CADPS: variants seen among roughly 807,000 people sequenced by gnomAD.
CADPS encodes the protein calcium-dependent secretion activator 1.
A neutral mutation model predicts 167.3 loss-of-function variants in CADPS; 57 were observed. That is an observed-to-expected ratio of 0.34 (90% CI 0.28 to 0.42). CADPS has a LOEUF of 0.42. CADPS is among the 20% of genes least tolerant of loss of function. CADPS has a pLI of 1.00. For missense variants in CADPS, 1,414 were observed against 1,738.1 expected (o/e 0.81, Z 3.32); for synonymous variants, 676 against 635.3 (o/e 1.06, Z -0.96).
intron 3 of CADPS, among the ~76,000 whole-genome samples, chr3:62,712,299 C>T (rs1056657166): frequency 6.6e-6 from 1 of 152,136 alleles, no homozygotes; most frequent in Non-Finnish European, 1.5e-5. Flanking sequence ...GAAAGACTGC[C>T]TGTTTCTATT....
intron 6 of CADPS, among the ~76,000 whole-genome samples, chr3:62,639,635 C>T (rs2067019608): frequency 6.6e-6 from 1 of 152,168 alleles, no homozygotes; most frequent in Non-Finnish European, 1.5e-5. Context: ...TCCAAGTTTA[C>T]TCCAGTCCTT....
chr3:62,519,141 A>T (rs73842445), intron 13 of CADPS, among the ~76,000 whole-genome samples: 4 of 152,214 alleles, frequency 2.6e-5, no homozygotes, highest in Admixed American at 6.5e-5. Flanking sequence ...AATCTGACCC[A>T]TTCAAAGCCT....
At chr3:62,403,298 G>A in intron 28 of CADPS, 113 bp from the exon 29 acceptor site, 1 of 693,184 alleles carries the variant, frequency 1.4e-6, no homozygotes, top group Non-Finnish European at 2.5e-6. Flanking sequence ...AAACAAAATG[G>A]TTAAAGAGAA....
At chr3:62,721,866 C>A (rs1191990247) in intron 3 of CADPS, among the ~76,000 whole-genome samples, 2 of 152,078 alleles carry the variant, frequency 1.3e-5, no homozygotes, top group Non-Finnish European at 2.9e-5. Flanking sequence ...AAGTAATCGC[C>A]CAAGTCATGC....
At chr3:62,647,645 C>T (rs759014188) in intron 5 of CADPS, among the ~76,000 whole-genome samples, 10 of 151,986 alleles carry the variant, frequency 6.6e-5, no homozygotes, top group African/African-American at 9.7e-5. Context: ...TCAAATGAGA[C>T]GATGCACATA....
chr3:62,840,736 A>G lies in CADPS; in HGVS notation c.441+33853T>C, dbSNP rs1339809757. On this transcript the variant is annotated intron_variant, in intron 1 of 29. Coordinates refer to ENST00000383710, the MANE Select transcript of CADPS (RefSeq NM_003716.4). ...TTTTATAAAATGTTTTCAGACTTTAATATAAACCATTGATATCCTGGAGCA... is the reference window on the plus strand; with the variant it reads ...TTTTATAAAATGTTTTCAGACTTTAGTATAAACCATTGATATCCTGGAGCA... 3.3e-5 allele frequency among the ~76,000 whole-genome samples: 5 copies of G among 152,192 alleles called. No individual in the cohort carries two copies. In the East Asian group the frequency reaches 9.6e-4, roughly 29 times the overall value.
chr3:62,492,195 G>C (rs757980698), intron 20 of CADPS, 95 bp downstream of exon 20: 1 of 1,042,556 alleles, frequency 9.6e-7, no homozygotes, highest in Non-Finnish European at 1.5e-6. Context: ...GAAGAGCTAT[G>C]TCAAGCCTGT....
chr3:62,597,042 T>C (rs1256092701), intron 6 of CADPS, among the ~76,000 whole-genome samples: 1 of 152,236 alleles, frequency 6.6e-6, no homozygotes, highest in Admixed American at 6.5e-5. Context: ...AATTTACTTA[T>C]GATTAATTGT....
At chr3:62,486,580 G>C (rs2062855889) in intron 21 of CADPS, among the ~76,000 whole-genome samples, 1 of 152,186 alleles carries the variant, frequency 6.6e-6, no homozygotes, top group Non-Finnish European at 1.5e-5. Context: ...AGATTTTACA[G>C]TGTGCATATA....
rs144801329 is a variant in CADPS, at chr3:62,581,730, AT to A, written c.1577+3454del. 8.9e-3 allele frequency among the ~76,000 whole-genome samples: 1,357 copies of A among 152,206 alleles called. 17 individuals carry two copies. The highest frequency in any genetic ancestry group is 0.03 in the African/African-American group (1,266 of 41,532). On this transcript the variant is annotated intron_variant, in intron 8 of 29. Transcript: ENST00000383710. ...TGGATGAGAAAGAAAAATGTCAAGG[AT>A]TACTTCAAGGTTTTTGGTCTGGGTA...
At chr3:62,418,571 G>C (rs1044315064) in intron 28 of CADPS, among the ~76,000 whole-genome samples, 2 of 146,278 alleles carry the variant, frequency 1.4e-5, no homozygotes, top group Non-Finnish European at 3.0e-5. Context: ...AAACTTCTGA[G>C]CTCAAGTGAT....
intron 3 of CADPS, among the ~76,000 whole-genome samples, chr3:62,734,865 C>T (rs1368497864): frequency 6.6e-6 from 1 of 152,084 alleles, no homozygotes; most frequent in Non-Finnish European, 1.5e-5. Context: ...ATGTAGAAAA[C>T]ATCCAGTTGC....
chr3:62,530,742 G>C, intron 13 of CADPS: 1 of 1,288,688 alleles, frequency 7.8e-7, no homozygotes. Context: ...GGTTCAGGTG[G>C]GGAGGGAGTT....
chr3:62,713,291 T>A (rs1013466255), intron 3 of CADPS, among the ~76,000 whole-genome samples: 8 of 152,158 alleles, frequency 5.3e-5, no homozygotes, highest in Non-Finnish European at 8.8e-5. Context: ...TTCCTCACTG[T>A]ATTTATTTGT....
At chr3:62,673,331 T>C (rs2075854391) in intron 3 of CADPS, among the ~76,000 whole-genome samples, 1 of 152,200 alleles carries the variant, frequency 6.6e-6, no homozygotes, top group African/African-American at 2.4e-5. Context: ...AATAGAAATC[T>C]GAATGCAAAT....
chr3:62,639,155 T>A (rs1208857291), intron 6 of CADPS, among the ~76,000 whole-genome samples: 1 of 152,196 alleles, frequency 6.6e-6, no homozygotes, highest in Non-Finnish European at 1.5e-5. Context: ...AAAGTGTGAT[T>A]ATAATTTTAC....
chr3:62,745,349 A>G (rs539550019), intron 3 of CADPS, among the ~76,000 whole-genome samples: 100 of 152,312 alleles, frequency 6.6e-4, no homozygotes, highest in Admixed American at 1.4e-3. Context: ...CTGGCATTAC[A>G]GACGTGAGCC....
chr3:62,647,156 T>C (rs929116611), intron 5 of CADPS, among the ~76,000 whole-genome samples: 2 of 152,150 alleles, frequency 1.3e-5, no homozygotes, highest in Non-Finnish European at 1.5e-5. Flanking sequence ...TCCTTATACA[T>C]GAAAAAATCA....
chr3:62,473,419 A>G (rs1437372084), intron 24 of CADPS, among the ~76,000 whole-genome samples: 2 of 152,256 alleles, frequency 1.3e-5, no homozygotes, highest in African/African-American at 4.8e-5. Flanking sequence ...GATCTGATTT[A>G]GGAGCAATTT....
Sources: allele counts gnomAD v4.1 joint callset (sites outside exome capture counted in the v4.1 genomes callset), GRCh38; gene constraint gnomAD v4.1.1; transcripts MANE v1.5; gene names NCBI Gene and HGNC (gene_info 2026-07-23, HGNC 2026-07-21).